The following GRK6 variants were observed in gnomAD, a reference collection of about 807,000 sequenced individuals.
GRK6 encodes the protein G protein-coupled receptor kinase 6.
A neutral mutation model predicts 80.8 loss-of-function variants in GRK6; 37 were observed. The ratio of observed to expected loss-of-function variants is 0.46; its 90% CI spans 0.35 to 0.60. The LOEUF is 0.60. Ranked by LOEUF, GRK6 falls within the 20% of genes least tolerant of loss-of-function variation. The pLI is 0.00. For synonymous variants in GRK6, 295 were observed against 320.9 expected (o/e 0.92, Z 0.86); for missense variants, 560 against 784.6 (o/e 0.71, Z 3.42).
Position 177,436,281 on chromosome 5 carries a change from G to A in GRK6, c.1266G>A (p.Gln422=). 1 of 1,614,052 alleles carries A rather than the reference G, an allele frequency of 6.2e-7. No individual in the cohort carries two copies. The highest frequency in any genetic ancestry group is 8.5e-7 in the Non-Finnish European group (1 of 1,180,004). Residue 422 remains glutamine, a splice_region_variant and synonymous_variant, in exon 12 of 16, where the codon CAG becomes CAA. Transcript: ENST00000355472. ...FSPQARSLCS[Q]LLCKDPAERL... ...CGCAGGCCCGCTCACTTTGCTCACA[G>A]GTACGGCAGCTCACAGAAGCCTGGC...
chr5:177,435,072 G>T lies in GRK6; in HGVS notation c.1008G>T (p.Val336=). 3 of 1,612,316 alleles carry T rather than the reference G, an allele frequency of 1.9e-6. No homozygotes were observed. The highest frequency in any genetic ancestry group is 2.5e-6 in the Non-Finnish European group (3 of 1,179,548). Reference sequence around the variant, plus strand: ...CTGACCTGGGACTAGCTGTGCATGTGCCCGAGGGCCAGACCATCAAAGGGC... The same window carrying T: ...CTGACCTGGGACTAGCTGTGCATGTTCCCGAGGGCCAGACCATCAAAGGGC... ...RISDLGLAVH[V]PEGQTIKGRV... is the part of the protein sequence containing the mutation. The change falls in exon 11 of 16, where the codon GTG becomes GTT. Residue 336 remains valine (V), a synonymous_variant. Transcript: ENST00000355472.
intron 8 of GRK6, 37 bp downstream of exon 8, chr5:177,433,713 A>T (rs745803695): frequency 1.2e-6 from 2 of 1,607,748 alleles, no homozygotes; most frequent in South Asian, 2.2e-5. Flanking sequence ...CCCCTTGGCC[A>T]CACTGGCGCA....
At chr5:177,431,084 A>G (rs1470068755) in intron 2 of GRK6, 117 bp downstream of exon 2, 10 of 761,350 alleles carry the variant, frequency 1.3e-5, no homozygotes, top group Admixed American at 1.0e-4. Context: ...TCCAGTGAGC[A>G]GGAGGATGAG....
chr5:177,430,804 G>T (rs1016606805), intron 1 of GRK6, 68 bp from the exon 2 acceptor site: 38 of 1,395,454 alleles, frequency 2.7e-5, no homozygotes, highest in Non-Finnish European at 3.7e-5. Context: ...GCCGTGGACC[G>T]CACTGAGGAC....
chr5:177,436,678 A>G, intron 13 of GRK6, 148 bp downstream of exon 13: 4 of 801,902 alleles, frequency 5.0e-6, no homozygotes, highest in Non-Finnish European at 1.9e-6. Flanking sequence ...AATTCACAAA[A>G]AGGAAAAGCC....
At chr5:177,435,961 C>CA in intron 11 of GRK6, 112 bp from the exon 12 acceptor site, 1 of 886,138 alleles carries the variant, frequency 1.1e-6, no homozygotes, top group Non-Finnish European at 1.8e-6. Context: ...AAGGTCCCCC[C>CA]TGGCCAGCGG....
intron 8 of GRK6, 81 bp downstream of exon 8, chr5:177,433,757 C>T (rs944162598): frequency 3.8e-6 from 6 of 1,564,956 alleles, no homozygotes; most frequent in Admixed American, 3.5e-5. Context: ...CCCACCCTCC[C>T]ATGTGGGATG....
Position 177,441,823 on chromosome 5 carries a change from G to C in GRK6, c.*33G>C. ...CCCGAGGCCCCCACCAGCAGTTGGC[G>C]GTAGCAGCTACTCCGAGCGCCGTTT... On this transcript the variant is annotated 3_prime_UTR_variant, in exon 16 of 16. Transcript: ENST00000355472. 6.3e-7 allele frequency: 1 copy of C among 1,596,936 alleles called. No homozygotes were observed. The highest frequency in any genetic ancestry group is 1.1e-5 in the South Asian group (1 of 90,668).
chr5:177,440,628 G>GA, intron 13 of GRK6, 72 bp from the exon 14 acceptor site: 1 of 1,576,854 alleles, frequency 6.3e-7, no homozygotes, highest in Non-Finnish European at 8.7e-7. Flanking sequence ...ACCCGAGGCA[G>GA]AATCAGGGCT....
intron 9 of GRK6, among the ~76,000 whole-genome samples, 200 bp downstream of exon 9, chr5:177,434,304 C>T (rs995084215): frequency 3.3e-5 from 5 of 152,192 alleles, no homozygotes; most frequent in East Asian, 3.9e-4. Context: ...GCTGGACCCA[C>T]GGGGTATCCT....
At chr5:177,434,830 C>G (rs768950657) in intron 9 of GRK6, 72 bp from the exon 10 acceptor site, 9 of 1,569,706 alleles carry the variant, frequency 5.7e-6, no homozygotes, top group Non-Finnish European at 7.9e-6. Flanking sequence ...GGCGAGTGAG[C>G]TGGGGGGGCT....
At chr5:177,425,972 A>AGAGGCCGAGGGAAGGC (rs1270500019), upstream of GRK6, among the ~76,000 whole-genome samples, 7 of 152,368 alleles carry the variant, frequency 4.6e-5, no homozygotes, top group South Asian at 2.1e-4. Context: ...ATAAGGCGGC[A>AGAGGCCGAGGGAAGGC]GAGGCCGAGG....
chr5:177,426,863 C>A lies in GRK6; in HGVS notation c.18C>A (p.Ile6=), dbSNP rs1763694377. 1.5e-6 allele frequency: 2 copies of A among 1,371,354 alleles called. No individual in the cohort carries two copies. Among genetic ancestry groups the A allele is most frequent in the Non-Finnish European group, 1.9e-6 (2 of 1,054,372 alleles). 84.9% of individuals were successfully genotyped at this position (1,371,354 alleles called of 1,614,324 possible). A position where few individuals can be genotyped will look rare whatever the true frequency, so the allele number is the denominator to read the frequency against. The change falls in exon 1 of 16, where the codon ATC becomes ATA. Residue 6 remains isoleucine (I), a synonymous_variant. Coordinates refer to ENST00000355472, the MANE Select transcript of GRK6 (RefSeq NM_001004106.3). The part of the protein sequence containing the change: MELEN[I]VANTVLLKAR... ...CACAGCCCATGGAGCTCGAGAACATCGTAGCGAACACGGTGCTACTCAAGG... is the reference window on the plus strand; with the variant it reads ...CACAGCCCATGGAGCTCGAGAACATAGTAGCGAACACGGTGCTACTCAAGG...
intron 15 of GRK6, 81 bp from the exon 16 acceptor site, chr5:177,441,656 C>G: frequency 8.5e-7 from 1 of 1,172,588 alleles, no homozygotes; most frequent in African/African-American, 1.5e-5. Context: ...CTGGCAGGGT[C>G]GGCCCCATGT....
upstream of GRK6, among the ~76,000 whole-genome samples, chr5:177,426,208 G>A (rs1037776781): frequency 6.6e-6 from 1 of 152,252 alleles, no homozygotes; most frequent in Non-Finnish European, 1.5e-5. Context: ...AGGAGGCCCA[G>A]GATACGGAGC....
chr5:177,425,886 C>T (rs1422653248), upstream of GRK6, among the ~76,000 whole-genome samples: 3 of 152,376 alleles, frequency 2.0e-5, no homozygotes, highest in East Asian at 5.8e-4. Context: ...AGCCACTTGA[C>T]GTCCGGCGCC....
intron 2 of GRK6, 101 bp downstream of exon 2, chr5:177,431,068 G>A (rs1763870565): frequency 1.1e-6 from 1 of 901,534 alleles, no homozygotes; most frequent in Non-Finnish European, 1.7e-6. Flanking sequence ...GGGCAGACTT[G>A]GGGGCTCCAG....
In GRK6 at chr5:177,429,487, C is replaced by A. The variant is rs975762855; in HGVS notation, c.53-1385C>A. The stretch of plus-strand genomic sequence containing the variant: ...GTTCCCCTTCTGGGAAGGCCTTGCC[C>A]TGGGTTGAGGGGTGGGTGTCTGTTG... On this transcript the variant is annotated intron_variant, in intron 1 of 15. Coordinates refer to ENST00000355472, the MANE Select transcript of GRK6 (RefSeq NM_001004106.3). The surrounding 1 kb of genome is among the most constrained non-coding windows in gnomAD (Gnocchi z 4.3). 6.6e-6 allele frequency among the ~76,000 whole-genome samples: 1 copy of A among 152,030 alleles called. No homozygotes were observed. Among genetic ancestry groups the A allele is most frequent in the Non-Finnish European group, 1.5e-5 (1 of 68,008 alleles).
chr5:177,429,994 C>T lies in GRK6; in HGVS notation c.53-878C>T, dbSNP rs78067937. Reference sequence around the variant, plus strand: ...AGGCCACACACATTTGGCTAGCTCCCTGACACATTTTATTTGGCTGCAGTG... The same window carrying T: ...AGGCCACACACATTTGGCTAGCTCCTTGACACATTTTATTTGGCTGCAGTG... On this transcript the variant is annotated intron_variant, in intron 1 of 15. Coordinates refer to ENST00000355472, the MANE Select transcript of GRK6 (RefSeq NM_001004106.3). This position sits in a 1 kb window ranked among gnomAD's most constrained non-coding sequence, Gnocchi z 4.3. Among the ~76,000 whole-genome samples, 2,370 of 152,132 alleles carry T rather than the reference C, an allele frequency of 0.016. 93 individuals are homozygous for T. The highest frequency in any genetic ancestry group is 0.087 in the Admixed American group (1,329 of 15,262).
Sources: allele counts gnomAD v4.1 joint callset (sites outside exome capture counted in the v4.1 genomes callset), GRCh38; gene constraint gnomAD v4.1.1; non-coding constraint Gnocchi (gnomAD v3.1); transcripts MANE v1.5; gene names NCBI Gene and HGNC (gene_info 2026-07-23, HGNC 2026-07-21).